CTBP2: variants seen among roughly 807,000 people sequenced by gnomAD.
CTBP2 encodes the protein C-terminal-binding protein 2.
Under a neutral mutation model 80.3 loss-of-function variants are expected in CTBP2, and 30 were observed. The ratio of observed to expected loss-of-function variants is 0.37; its 90% CI spans 0.28 to 0.51. The LOEUF (loss-of-function observed/expected upper bound fraction) is 0.51, where lower values mean the gene tolerates loss of function less well. Among genes scored for constraint, CTBP2 ranks in the 20% least tolerant of loss-of-function variants. The pLI is 0.93. For synonymous variants in CTBP2, 594 were observed against 587.4 expected (o/e 1.01, Z -0.16); for missense variants, 1,212 against 1,375.3 (o/e 0.88, Z 1.88).
chr10:125,135,677 G>C (rs527788952), intron 1 of CTBP2, among the ~76,000 whole-genome samples: 1 of 152,042 alleles, frequency 6.6e-6, no homozygotes, highest in Non-Finnish European at 1.5e-5. Context: ...TCATTCCACT[G>C]CATTCTTTTG....
At chr10:125,115,320 G>A (rs949398233) in intron 1 of CTBP2, among the ~76,000 whole-genome samples, 1 of 152,148 alleles carries the variant, frequency 6.6e-6, no homozygotes, top group Non-Finnish European at 1.5e-5. Context: ...CACCGTTCAC[G>A]TTTACTGCTA....
At chr10:124,998,320 G>C in intron 3 of CTBP2, 150 bp from the exon 6 acceptor site, 1 of 803,008 alleles carries the variant, frequency 1.2e-6, no homozygotes, top group Non-Finnish European at 2.0e-6. Context: ...TGGGCACGTG[G>C]GCGGTAGGCC....
chr10:125,035,046 G>A (rs1958707250), intron 3 of CTBP2, among the ~76,000 whole-genome samples: 1 of 152,088 alleles, frequency 6.6e-6, no homozygotes, highest in Non-Finnish European at 1.5e-5. Flanking sequence ...TTCCACCATG[G>A]CAAGTTCAAC....
upstream of CTBP2, among the ~76,000 whole-genome samples, chr10:125,028,652 G>A (rs1957894426): frequency 6.6e-6 from 1 of 152,238 alleles, no homozygotes; most frequent in Admixed American, 6.5e-5. Flanking sequence ...GGAGTGCCAG[G>A]GAAGGGCGTG....
chr10:125,077,701 G>A (rs1172693128), intron 2 of CTBP2, among the ~76,000 whole-genome samples: 3 of 152,160 alleles, frequency 2.0e-5, no homozygotes, highest in African/African-American at 7.2e-5. Context: ...CAGGTCAGCT[G>A]AAGAAATCAC....
At chr10:125,071,934 G>C (rs942195167) in intron 2 of CTBP2, among the ~76,000 whole-genome samples, 1 of 152,122 alleles carries the variant, frequency 6.6e-6, no homozygotes, top group Non-Finnish European at 1.5e-5. Context: ...TGCCCGCAGG[G>C]TACTTGGTGG....
chr10:125,119,845 T>C lies in CTBP2; in HGVS notation c.-205-8752A>G, dbSNP rs183028512. Among the ~76,000 whole-genome samples, 143 of 152,370 alleles carry C rather than the reference T, an allele frequency of 9.4e-4. No homozygotes were observed. The Middle Eastern group carries it at 0.017, about 18-fold the overall frequency. On this transcript the variant is annotated intron_variant, in intron 1 of 10. Transcript: ENST00000337195. ...CTGTGAGCTCCTGTCAGGAGGGCTC[T>C]GAAGCTGGGGTGCAGAAAGTGAGCT... is the stretch of plus-strand genomic sequence containing the variant.
intron 2 of CTBP2, among the ~76,000 whole-genome samples, chr10:125,094,024 G>A (rs576635102): frequency 2.0e-5 from 3 of 152,296 alleles, no homozygotes; most frequent in African/African-American, 4.8e-5. Flanking sequence ...TTGAGATTGC[G>A]AGGAGAAACG....
chr10:124,989,528 T>C lies in CTBP2; in HGVS notation c.2948A>G (p.Asn983Ser), dbSNP rs139940617. The C allele has an allele frequency of 3.0e-5, 48 of 1,612,714 alleles. No homozygotes were observed. The highest frequency in any genetic ancestry group is 3.6e-5 in the Non-Finnish European group (42 of 1,179,868). ...TTCTGGCATTCTCTGCTATTGCTCG[T>C]TGGGGTGCTCTCGATTGTCCCCGTG... The change falls in exon 9 of 9, where the codon AAC (asparagine) becomes AGC (serine). Residue 983 changes from asparagine (N) to serine (S), a missense_variant. This residue lies in a region of CTBP2 where 335 missense variants were observed against 504.7 expected (regional missense o/e 0.66). Transcript: ENST00000309035.
chr10:125,137,550 T>G (rs1371852413), intron 1 of CTBP2, among the ~76,000 whole-genome samples: 4 of 152,222 alleles, frequency 2.6e-5, no homozygotes, highest in East Asian at 1.9e-4. Flanking sequence ...GATGCTTTCC[T>G]GAAACACACT....
At chr10:125,114,093 C>A (rs1852763453) in intron 1 of CTBP2, among the ~76,000 whole-genome samples, 2 of 152,224 alleles carry the variant, frequency 1.3e-5, no homozygotes, top group South Asian at 4.1e-4. Context: ...GGGATATTTT[C>A]TTGGCAGGAT....
chr10:124,999,478 T>C (rs12243975), intron 3 of CTBP2: 32,798 of 152,220 alleles, frequency 0.22, 3,833 homozygotes, highest in East Asian at 0.43. Flanking sequence ...ACTTTCTAGA[T>C]GGCTGCGTGG....
Position 125,027,584 on chromosome 10 carries a change from T to A in CTBP2, c.176A>T (p.Asp59Val). ...CTCGGCGGCCACGGGCAGGGCAGCGTCCTGTGGTCGGTGGTTTGGCTCAAA... is the reference window on the plus strand; with the variant it reads ...CTCGGCGGCCACGGGCAGGGCAGCGACCTGTGGTCGGTGGTTTGGCTCAAA... Residue 59 changes from aspartate (D) to valine (V), a missense_variant, in exon 1 of 9, where the codon GAC (aspartate) becomes GTC (valine). Physicochemically the swap from Asp to Val is radical, Grantham distance 152. Transcript: ENST00000309035. The A allele has an allele frequency of 6.2e-7, 1 of 1,614,062 alleles. No individual in the cohort carries two copies. Among genetic ancestry groups the A allele is most frequent in the Non-Finnish European group, 8.5e-7 (1 of 1,180,024 alleles).
In CTBP2 at chr10:125,026,800, G is replaced by T. The variant is rs1440762366; in HGVS notation, c.960C>A (p.Val320=). The T allele has an allele frequency of 6.2e-7, 1 of 1,613,306 alleles. No individual in the cohort carries two copies. Among genetic ancestry groups the T allele is most frequent in the South Asian group, 1.1e-5 (1 of 91,090 alleles). ...TATCCGCGTCCTCCAGGGTAGCCAG[G>T]ACGGCCGGGGAGTCAAAGCCCTGCT... The change falls in exon 1 of 9, where the codon GTC becomes GTA. Residue 320 remains valine (V), a synonymous_variant. Transcript: ENST00000309035.
upstream of CTBP2, among the ~76,000 whole-genome samples, chr10:125,032,544 G>A (rs140779012): frequency 5.3e-5 from 8 of 152,280 alleles, no homozygotes; most frequent in African/African-American, 1.9e-4. Flanking sequence ...TCCTCAAGAT[G>A]AGAAAGGCAC....
At chr10:125,052,316 T>C (rs1195080975) in intron 2 of CTBP2, among the ~76,000 whole-genome samples, 1 of 152,162 alleles carries the variant, frequency 6.6e-6, no homozygotes, top group African/African-American at 2.4e-5. Context: ...CGGCCTGAGG[T>C]GTGCCCGTGG....
intron 1 of CTBP2, among the ~76,000 whole-genome samples, chr10:125,146,761 G>A (rs1241180614): frequency 6.6e-6 from 1 of 152,184 alleles, no homozygotes; most frequent in Non-Finnish European, 1.5e-5. Context: ...GAAGCACAGA[G>A]CAGTTAACAC....
chr10:125,023,458 G>A (rs979592531), intron 1 of CTBP2, among the ~76,000 whole-genome samples: 2 of 152,240 alleles, frequency 1.3e-5, no homozygotes, highest in Non-Finnish European at 2.9e-5. Context: ...GTGACAGCAC[G>A]TGACACGGGG....
chr10:125,042,291 T>G (rs1960068065), intron 2 of CTBP2, among the ~76,000 whole-genome samples: 1 of 152,246 alleles, frequency 6.6e-6, no homozygotes, highest in Admixed American at 6.5e-5. Flanking sequence ...AGAGCTGAGC[T>G]GCACACAGCG....
Sources: allele counts gnomAD v4.1 joint callset (sites outside exome capture counted in the v4.1 genomes callset), GRCh38; gene constraint gnomAD v4.1.1; regional missense constraint gnomAD v4.1.1; transcripts MANE v1.5; gene names NCBI Gene and HGNC (gene_info 2026-07-23, HGNC 2026-07-21).